Variants in SVIL observed in about 807,000 individuals in gnomAD.
SVIL encodes the protein archvillin.
SVIL carries 101 observed loss-of-function variants against 240.4 expected under a neutral mutation model. The observed-to-expected ratio is 0.42, with a 90% CI of 0.36 to 0.50. SVIL has a LOEUF of 0.50. SVIL is among the 20% of genes least tolerant of loss of function. The pLI is 0.01. For synonymous variants in SVIL, 999 were observed against 1,100.0 expected (o/e 0.91, Z 1.82); for missense variants, 2,512 against 2,818.7 (o/e 0.89, Z 2.46).
chr10:29,545,539 T>G (rs1166241318), intron 6 of SVIL, among the ~76,000 whole-genome samples: 1 of 152,146 alleles, frequency 6.6e-6, no homozygotes, highest in Non-Finnish European at 1.5e-5. Context: ...ACGAGGGTTT[T>G]CTAGAGTGGA....
chr10:29,463,344 G>GAAAA, intron 35 of SVIL, 148 bp downstream of exon 35: 1 of 1,048,070 alleles, frequency 9.5e-7, no homozygotes, highest in Non-Finnish European at 1.3e-6. Flanking sequence ...AGTTAAAGGG[G>GAAAA]AAAAAATTGG....
chr10:29,611,771 C>G (rs896973500), intron 1 of SVIL, among the ~76,000 whole-genome samples: 1 of 152,172 alleles, frequency 6.6e-6, no homozygotes, highest in Non-Finnish European at 1.5e-5. Flanking sequence ...TGGTCTCAAC[C>G]AGTCAGAACT....
chr10:29,652,446 T>C (rs1053098692), intron 3 of SVIL, among the ~76,000 whole-genome samples: 3 of 152,236 alleles, frequency 2.0e-5, no homozygotes, highest in Admixed American at 2.0e-4. Flanking sequence ...TTGTCTCTTC[T>C]TCAGTTGACA....
chr10:29,728,572 G>A (rs953526220), intron 1 of SVIL, among the ~76,000 whole-genome samples: 1 of 152,118 alleles, frequency 6.6e-6, no homozygotes, highest in African/African-American at 2.4e-5. Flanking sequence ...AAATGAAAGG[G>A]AAAGGAATGC....
intron 1 of SVIL, among the ~76,000 whole-genome samples, chr10:29,583,140 A>G (rs1446416381): frequency 6.6e-6 from 1 of 152,240 alleles, no homozygotes; most frequent in Non-Finnish European, 1.5e-5. Flanking sequence ...AATAATTTGA[A>G]GGAAAGTTTC....
intron 12 of SVIL, among the ~76,000 whole-genome samples, chr10:29,527,468 C>T (rs147287784): frequency 0.051 from 7,695 of 152,164 alleles, 254 homozygotes; most frequent in Middle Eastern, 0.078. Context: ...GTCTCTGTCA[C>T]CAGGCTGGAG....
chr10:29,712,209 C>T (rs1006830016), intron 1 of SVIL, among the ~76,000 whole-genome samples: 5 of 152,074 alleles, frequency 3.3e-5, no homozygotes, highest in Admixed American at 1.3e-4. Context: ...TTTGGATATT[C>T]GACCCTTTGG....
At chr10:29,633,690 G>A (rs551132756) in intron 1 of SVIL, among the ~76,000 whole-genome samples, 3 of 151,476 alleles carry the variant, frequency 2.0e-5, no homozygotes, top group Admixed American at 6.6e-5. Context: ...GAAGCAACAC[G>A]TCAAATAAGC....
At chr10:29,521,727 C>T (rs1950573097) in intron 16 of SVIL, among the ~76,000 whole-genome samples, 1 of 152,192 alleles carries the variant, frequency 6.6e-6, no homozygotes, top group Non-Finnish European at 1.5e-5. Context: ...GAAAACACAT[C>T]CCCAAGGTAA....
intron 1 of SVIL, among the ~76,000 whole-genome samples, chr10:29,620,538 A>G (rs2132910021): frequency 6.6e-6 from 1 of 152,366 alleles, no homozygotes; most frequent in East Asian, 1.9e-4. Flanking sequence ...ATTGTTTTTG[A>G]TATATAGTCA....
At position 29,731,389 on chromosome 10, in the gene SVIL, C is replaced by G. The variant is rs149219538; in HGVS notation, c.-400+4362G>C. ...TCATTGATTAAACAAAGGATGTGGG[C>G]AAGGTACCCTCCAGCTCCAACAAAT... is the stretch of plus-strand genomic sequence containing the variant. On this transcript the variant is annotated intron_variant, in intron 1 of 35. Transcript: ENST00000375400. 9.2e-5 allele frequency among the ~76,000 whole-genome samples: 14 copies of G among 152,296 alleles called. 1 individual carries two copies. The East Asian group carries it at 2.7e-3, about 29-fold the overall frequency.
intron 1 of SVIL, among the ~76,000 whole-genome samples, chr10:29,628,776 T>C (rs1319409448): frequency 6.6e-6 from 1 of 152,166 alleles, no homozygotes; most frequent in Non-Finnish European, 1.5e-5. Context: ...CAATTCACCT[T>C]ATAAAGAGGA....
intron 7 of SVIL, among the ~76,000 whole-genome samples, chr10:29,535,713 G>A (rs1483064563): frequency 6.6e-6 from 1 of 152,188 alleles, no homozygotes; most frequent in Non-Finnish European, 1.5e-5. Flanking sequence ...TCCTATGTGA[G>A]TTGGTGAGAA....
At chr10:29,670,351 C>A (rs901082484) in intron 2 of SVIL, among the ~76,000 whole-genome samples, 2 of 152,160 alleles carry the variant, frequency 1.3e-5, no homozygotes, top group Admixed American at 6.5e-5. Flanking sequence ...TCCAGCAAAG[C>A]TAATAAAAGC....
chr10:29,704,971 A>G (rs1962786800), intron 1 of SVIL, among the ~76,000 whole-genome samples: 1 of 152,244 alleles, frequency 6.6e-6, no homozygotes, highest in South Asian at 2.1e-4. Flanking sequence ...AGATGTACGC[A>G]ATGGATCTGT....
chr10:29,626,188 TCTCAAGGCACACA>T (rs1202534196), intron 1 of SVIL, among the ~76,000 whole-genome samples: 1 of 152,180 alleles, frequency 6.6e-6, no homozygotes, highest in African/African-American at 2.4e-5. Flanking sequence ...TCTTAAGTTT[TCTCAAGGCACACA>T]CACACGGTTA....
chr10:29,581,807 A>G (rs1306398491), intron 1 of SVIL, among the ~76,000 whole-genome samples: 1 of 152,250 alleles, frequency 6.6e-6, no homozygotes, highest in Admixed American at 6.5e-5. Context: ...GCTGATTGTC[A>G]GAAAAGAAAG....
chr10:29,556,982 G>T (rs1315636447), intron 3 of SVIL, among the ~76,000 whole-genome samples: 1 of 152,154 alleles, frequency 6.6e-6, no homozygotes, highest in African/African-American at 2.4e-5. Context: ...GGTACGACTT[G>T]AACCCATGCC....
chr10:29,500,395 G>A (rs1297323637), intron 17 of SVIL, among the ~76,000 whole-genome samples: 2 of 152,144 alleles, frequency 1.3e-5, no homozygotes, highest in Non-Finnish European at 2.9e-5. Context: ...GGAAGGAAGA[G>A]TGCAAAGGTG....
Sources: gnomAD v4.1 joint callset for allele counts (sites outside exome capture counted in the v4.1 genomes callset) on GRCh38, gnomAD v4.1.1 for gene constraint, MANE v1.5 for transcripts, NCBI Gene and HGNC (gene_info 2026-07-23, HGNC 2026-07-21) for gene names.